GALM: variants seen among roughly 807,000 people sequenced by gnomAD.
The protein encoded by GALM is galactose mutarotase, also known as aldose 1-epimerase.
Under a neutral mutation model 37.4 loss-of-function variants are expected in GALM, and 43 were observed. The observed-to-expected ratio is 1.15, with a 90% CI of 0.90 to 1.48. GALM has a LOEUF of 1.48. Ranked by LOEUF, GALM falls within the 40% of genes most tolerant of loss-of-function variation. The pLI, the probability that GALM is intolerant of heterozygous loss-of-function variation, is 0.00. For synonymous variants in GALM, 199 were observed against 170.6 expected, an observed-to-expected ratio of 1.17 and a Z score of -1.30; for missense variants, 456 against 419.1, an observed-to-expected ratio of 1.09 and a Z score of -0.77.
intron 4 of GALM, among the ~76,000 whole-genome samples, chr2:38,700,298 G>C (rs1240165733): frequency 6.6e-6 from 1 of 152,080 alleles, no homozygotes; most frequent in Non-Finnish European, 1.5e-5. Flanking sequence ...TTTCTGTCTA[G>C]ATGATCTGTT....
intron 4 of GALM, among the ~76,000 whole-genome samples, chr2:38,708,614 G>A (rs1238892770): frequency 2.6e-5 from 4 of 151,754 alleles, no homozygotes; most frequent in East Asian, 3.9e-4. Flanking sequence ...GGTGGCGGGC[G>A]CCTGTAGTCC....
chr2:38,686,414 CA>C (rs1665537735), intron 3 of GALM, among the ~76,000 whole-genome samples: 1 of 151,676 alleles, frequency 6.6e-6, no homozygotes, highest in African/African-American at 2.4e-5. Context: ...TACAGGCGCC[CA>C]CCACCATGCC....
chr2:38,686,043 G>A (rs1372758122), intron 3 of GALM, among the ~76,000 whole-genome samples: 1 of 151,668 alleles, frequency 6.6e-6, no homozygotes, highest in Non-Finnish European at 1.5e-5. Flanking sequence ...ACGAAGGAAT[G>A]TTACTACTGC....
At chr2:38,718,358 C>G (rs1250433907) in intron 4 of GALM, among the ~76,000 whole-genome samples, 2 of 151,402 alleles carry the variant, frequency 1.3e-5, no homozygotes, top group Admixed American at 1.3e-4. Flanking sequence ...ACCACCTCGC[C>G]CAGCTAATTT....
intron 4 of GALM, among the ~76,000 whole-genome samples, chr2:38,704,235 G>C (rs1033782664): frequency 2.7e-5 from 4 of 150,914 alleles, no homozygotes; most frequent in Admixed American, 6.6e-5. Flanking sequence ...GTCTCACTCT[G>C]TTATCCAGGC....
chr2:38,709,893 G>A (rs765887024), intron 4 of GALM, among the ~76,000 whole-genome samples: 4 of 152,110 alleles, frequency 2.6e-5, no homozygotes, highest in African/African-American at 7.2e-5. Context: ...CCCCTTTACC[G>A]CAGGCCTCCT....
intron 3 of GALM, chr2:38,682,199 C>T: frequency 2.4e-6 from 1 of 420,466 alleles, no homozygotes; most frequent in Non-Finnish European, 4.9e-6. Context: ...TGACAACCCC[C>T]CTTAAGTGAT....
At chr2:38,680,998 C>G (rs915545203) in intron 2 of GALM, among the ~76,000 whole-genome samples, 4 of 151,936 alleles carry the variant, frequency 2.6e-5, no homozygotes, top group African/African-American at 9.7e-5. Context: ...TAGCCAGGTA[C>G]AGTGGCTCAT....
intron 1 of GALM, chr2:38,669,281 A>T (rs1473400141): frequency 6.6e-6 from 1 of 152,230 alleles, no homozygotes; most frequent in East Asian, 1.9e-4. Flanking sequence ...TAGATTCCAG[A>T]CATTTTATAG....
At chr2:38,718,629 A>G (rs996790424) in intron 4 of GALM, among the ~76,000 whole-genome samples, 3 of 151,588 alleles carry the variant, frequency 2.0e-5, no homozygotes, top group Admixed American at 2.0e-4. Flanking sequence ...ATAATTTTTA[A>G]TTGTTATTAT....
intron 3 of GALM, among the ~76,000 whole-genome samples, chr2:38,687,929 C>A (rs1026166673): frequency 6.6e-6 from 1 of 151,738 alleles, no homozygotes; most frequent in Non-Finnish European, 1.5e-5. Context: ...AAAAACCAGT[C>A]GGCCGGGCAC....
rs201135337 is a variant in GALM at position 38,709,417 on chromosome 2, G to A, written c.634+19523G>A. Among the ~76,000 whole-genome samples, 11 of 152,122 alleles carry A rather than the reference G, an allele frequency of 7.2e-5. No homozygotes were observed. In the East Asian group the frequency reaches 9.6e-4, roughly 13 times the overall value. On this transcript the variant is annotated intron_variant, in intron 4 of 6. Coordinates refer to ENST00000272252, the MANE Select transcript of GALM (RefSeq NM_138801.3). ...CCTTACGTGGTCCCAACCATGAAGC[G>A]TAAAATTGCCTTTTCACCTGAAAAC...
At chr2:38,711,797 TCAC>T (rs1666171209) in intron 4 of GALM, among the ~76,000 whole-genome samples, 3 of 150,048 alleles carry the variant, frequency 2.0e-5, no homozygotes, top group African/African-American at 4.9e-5. Flanking sequence ...ACCATCACCA[TCAC>T]CATCACCATC....
chr2:38,723,000 T>C (rs1055356349), intron 4 of GALM, among the ~76,000 whole-genome samples: 4 of 152,164 alleles, frequency 2.6e-5, no homozygotes, highest in Admixed American at 6.6e-5. Flanking sequence ...AGATCTTTCA[T>C]TCTTCGTCAC....
At chr2:38,690,154 T>G (rs1041035574) in intron 4 of GALM, among the ~76,000 whole-genome samples, 1 of 152,100 alleles carries the variant, frequency 6.6e-6, no homozygotes, top group African/African-American at 2.4e-5. Flanking sequence ...TTTCAAAAAT[T>G]TTTAAAAAAT....
intron 1 of GALM, among the ~76,000 whole-genome samples, chr2:38,674,543 T>A (rs1028743943): frequency 6.6e-6 from 1 of 152,204 alleles, no homozygotes; most frequent in South Asian, 2.1e-4. Flanking sequence ...AACAAACTTA[T>A]ACTAAGCAAT....
chr2:38,709,015 G>A (rs1295281434), intron 4 of GALM, among the ~76,000 whole-genome samples: 1 of 152,162 alleles, frequency 6.6e-6, no homozygotes, highest in African/African-American at 2.4e-5. Flanking sequence ...CAAATGGTGG[G>A]ATGACCTGAA....
intron 3 of GALM, among the ~76,000 whole-genome samples, chr2:38,689,152 G>A (rs1272552255): frequency 6.6e-6 from 1 of 152,178 alleles, no homozygotes; most frequent in Non-Finnish European, 1.5e-5. Flanking sequence ...AAGGAAATGA[G>A]AGTCTATGAG....
rs1666616116 is a variant in GALM, at chr2:38,731,834, C to T, written c.876C>T (p.Gly292=). 1 of 1,613,892 alleles carries T rather than the reference C, an allele frequency of 6.2e-7. No homozygotes were observed. The highest frequency in any genetic ancestry group is 1.3e-5 in the African/African-American group (1 of 74,878). ...ACTTCCTGGATGGCACATTAAAGGG[C>T]AAGAATGGAGCTGTCTATCCCAAGC... The part of the protein sequence containing the change: ...TGNFLDGTLK[G]KNGAVYPKHS... The change falls in exon 6 of 7, where the codon GGC becomes GGT. Residue 292 remains glycine, a synonymous_variant. Coordinates refer to ENST00000272252, the MANE Select transcript of GALM (RefSeq NM_138801.3).
Sources: allele counts gnomAD v4.1 joint callset (sites outside exome capture counted in the v4.1 genomes callset), GRCh38; gene constraint gnomAD v4.1.1; transcripts MANE v1.5; gene names NCBI Gene and HGNC (gene_info 2026-07-23, HGNC 2026-07-21).